Variants in RUNX3 observed in about 807,000 individuals in gnomAD.
RUNX3 encodes runt-related transcription factor 3.
In RUNX3, 10 loss-of-function variants were observed where a neutral mutation model predicts 27.7. That is an observed-to-expected ratio of 0.36 (90% CI 0.22 to 0.61). The LOEUF is 0.61. RUNX3 is among the 20% of genes least tolerant of loss of function. The pLI is 0.72. For missense variants in RUNX3, 469 were observed against 629.5 expected, an observed-to-expected ratio of 0.75 and a Z score of 2.73; for synonymous variants, 270 against 269.2, an observed-to-expected ratio of 1.00 and a Z score of -0.03.
At chr1:24,908,133 T>C (rs116144203) in intron 3 of RUNX3, among the ~76,000 whole-genome samples, 38,897 of 83,224 alleles carry the variant, frequency 0.47, 8,455 homozygotes, top group Non-Finnish European at 0.49. Flanking sequence ...CAAACCTCTA[T>C]GACACGCGGT....
At chr1:24,937,324 G>C (rs1045755029) in intron 2 of RUNX3, among the ~76,000 whole-genome samples, 3 of 152,218 alleles carry the variant, frequency 2.0e-5, no homozygotes, top group Admixed American at 6.5e-5. Context: ...GCTCAACAAA[G>C]GTCCTGCGTT....
chr1:24,914,838 C>T (rs1291415748), intron 3 of RUNX3, among the ~76,000 whole-genome samples: 1 of 152,034 alleles, frequency 6.6e-6, no homozygotes, highest in Non-Finnish European at 1.5e-5. Flanking sequence ...CACGCCAAAC[C>T]CTCGGCAGCC....
chr1:24,939,309 C>T (rs1230121867), intron 2 of RUNX3, among the ~76,000 whole-genome samples: 1 of 152,242 alleles, frequency 6.6e-6, no homozygotes, highest in African/African-American at 2.4e-5. Context: ...CCCACATGGA[C>T]AAGCCCTCAT....
chr1:24,932,986 T>C (rs189201292), upstream of RUNX3, among the ~76,000 whole-genome samples: 192 of 152,294 alleles, frequency 1.3e-3, no homozygotes, highest in Admixed American at 3.0e-3. Flanking sequence ...CCCGGGCAAA[T>C]AGAGCCAGCT....
chr1:24,931,096 C>T (rs1375072157), upstream of RUNX3, among the ~76,000 whole-genome samples: 2 of 152,338 alleles, frequency 1.3e-5, no homozygotes, highest in East Asian at 3.9e-4. Context: ...TTTTCCTTTA[C>T]GCATGTAACC....
intron 2 of RUNX3, among the ~76,000 whole-genome samples, chr1:24,950,898 G>A (rs1641743818): frequency 6.6e-6 from 1 of 152,082 alleles, no homozygotes; most frequent in Admixed American, 6.5e-5. Flanking sequence ...CAAAGTGCTT[G>A]ATGTGCTGCC....
In RUNX3 at chr1:24,916,659, G is replaced by T. The variant is rs1018275460; in HGVS notation, c.544+2581C>A. ...GGAGTGGGGCTGCAACCCAGGGTAT[G>T]GGGGGGGACCTGATCTCAGGGCCAG... On this transcript the variant is annotated intron_variant, in intron 3 of 4. Transcript: ENST00000308873. This position sits in a 1 kb window ranked among gnomAD's most constrained non-coding sequence, Gnocchi z 4.8. 1.3e-5 allele frequency among the ~76,000 whole-genome samples: 2 copies of T among 150,788 alleles called. No individual in the cohort carries two copies. The highest frequency in any genetic ancestry group is 1.5e-5 in the Non-Finnish European group (1 of 67,436).
At chr1:24,913,296 T>A (rs551390814) in intron 3 of RUNX3, among the ~76,000 whole-genome samples, 1 of 152,296 alleles carries the variant, frequency 6.6e-6, no homozygotes, top group East Asian at 1.9e-4. Flanking sequence ...TGACCCTCAC[T>A]TATGGGAGGG....
chr1:24,929,816 G>A lies in RUNX3; in HGVS notation c.53C>T (p.Pro18Leu). ...STSRRFTPPS[P>L]AFPCGGGGGK... ...GCCGCCGCCGCCGCAGGGGAAGGCCGGGGAGGGAGGTGTGAAGCGGCGGCT... is the reference window on the plus strand; with the variant it reads ...GCCGCCGCCGCCGCAGGGGAAGGCCAGGGAGGGAGGTGTGAAGCGGCGGCT... Residue 18 changes from proline (P) to leucine (L), a missense_variant, in exon 1 of 5, where the codon CCG (proline) becomes CTG (leucine). Physicochemically the swap from Pro to Leu is moderately conservative, Grantham distance 98. This residue lies in a region of RUNX3 where 115 missense variants were observed against 118.0 expected (regional missense o/e 0.97). Transcript: ENST00000308873. 1 of 1,406,748 alleles carries A rather than the reference G, an allele frequency of 7.1e-7. No homozygotes were observed. The highest frequency in any genetic ancestry group is 9.2e-7 in the Non-Finnish European group (1 of 1,090,798). The allele number at this position is 1,406,748 out of a possible 1,614,324, so 87.1% of individuals were successfully genotyped here. A position where few individuals can be genotyped will look rare whatever the true frequency, so the allele number is the denominator to read the frequency against.
At chr1:24,931,015 G>A (rs1641216054), upstream of RUNX3, among the ~76,000 whole-genome samples, 1 of 152,224 alleles carries the variant, frequency 6.6e-6, no homozygotes, top group Non-Finnish European at 1.5e-5. Context: ...GCCTCGCGGC[G>A]TCGTTCTTCG....
At chr1:24,964,679 TA>T in intron 1 of RUNX3, 1 of 1,497,132 alleles carries the variant, frequency 6.7e-7, no homozygotes. Context: ...CTTTTGAAAA[TA>T]AAAGGGGGGG....
chr1:24,918,867 G>A (rs1444906949), intron 3 of RUNX3, among the ~76,000 whole-genome samples: 1 of 152,164 alleles, frequency 6.6e-6, no homozygotes, highest in Non-Finnish European at 1.5e-5. Flanking sequence ...TGCCCTCCAT[G>A]CATCCCTCAG....
At chr1:24,959,650 G>A (rs558975712) in intron 2 of RUNX3, among the ~76,000 whole-genome samples, 6 of 152,128 alleles carry the variant, frequency 3.9e-5, no homozygotes, top group Non-Finnish European at 7.4e-5. Context: ...CTGGACCTTC[G>A]GAAAGGATAC....
chr1:24,901,816 A>T lies in RUNX3; in HGVS notation c.*306T>A. 1 of 398,836 alleles carries T rather than the reference A, an allele frequency of 2.5e-6. No individual in the cohort carries two copies. The highest frequency in any genetic ancestry group is 4.6e-6 in the Non-Finnish European group (1 of 219,514). The allele number at this position is 398,836 out of a possible 1,614,324, so 24.7% of individuals were successfully genotyped here. ...CCCATGCAGCACTGGGCATAGCTGG[A>T]GACAGTGAGGTCCTTCCGGGGGGGT... On this transcript the variant is annotated 3_prime_UTR_variant, in exon 5 of 5. Transcript: ENST00000308873.
At chr1:24,957,894 G>T (rs533990930) in intron 2 of RUNX3, among the ~76,000 whole-genome samples, 1 of 152,326 alleles carries the variant, frequency 6.6e-6, no homozygotes, top group South Asian at 2.1e-4. Context: ...GCTTATAGCC[G>T]CATTTTACAT....
Position 24,930,269 on chromosome 1 carries a change from C to T in RUNX3, c.-401G>A. Reference sequence around the variant, plus strand: ...AGCCCCAGAACAAATCCTCCAGAATCAAGTGGCGGGGCCGCGGCCGCCCGC... The same window carrying T: ...AGCCCCAGAACAAATCCTCCAGAATTAAGTGGCGGGGCCGCGGCCGCCCGC... On this transcript the variant is annotated 5_prime_UTR_variant, in exon 1 of 5. Coordinates refer to ENST00000308873, the MANE Select transcript of RUNX3 (RefSeq NM_004350.3). This position sits in a 1 kb window ranked among gnomAD's most constrained non-coding sequence, Gnocchi z 4.1. 4.1e-6 allele frequency: 4 copies of T among 983,264 alleles called. No individual in the cohort carries two copies. Among genetic ancestry groups the T allele is most frequent in the Non-Finnish European group, 4.8e-6 (4 of 828,550 alleles). 60.9% of individuals were successfully genotyped at this position (983,264 alleles called of 1,614,324 possible).
chr1:24,949,568 T>C lies in RUNX3; in HGVS notation c.58+14946A>G, dbSNP rs78056603. 2.3e-3 allele frequency among the ~76,000 whole-genome samples: 357 copies of C among 152,350 alleles called. 1 individual carries two copies. The highest frequency in any genetic ancestry group is 6.8e-3 in the Middle Eastern group (2 of 294). On this transcript the variant is annotated intron_variant, in intron 2 of 6. Transcript: ENST00000338888. ...ACCACAGCTTGATTTCTAGTCCAAG[T>C]TGTCACTGACCCCCACTGGCCTTCA...
At chr1:24,905,138 T>A (rs1048382749) in intron 4 of RUNX3, among the ~76,000 whole-genome samples, 1 of 151,676 alleles carries the variant, frequency 6.6e-6, no homozygotes, top group Non-Finnish European at 1.5e-5. Context: ...CCGAGGGAAG[T>A]GGTGGTGGGG....
At chr1:24,928,653 C>G (rs1395937985) in intron 1 of RUNX3, 1 of 186,716 alleles carries the variant, frequency 5.4e-6, no homozygotes, top group African/African-American at 2.4e-5. Flanking sequence ...GACAGTAAAA[C>G]CTCCGATCTG....
Sources: allele counts gnomAD v4.1 joint callset (sites outside exome capture counted in the v4.1 genomes callset), GRCh38; gene constraint gnomAD v4.1.1; regional missense constraint gnomAD v4.1.1; non-coding constraint Gnocchi (gnomAD v3.1); transcripts MANE v1.5; gene names NCBI Gene and HGNC (gene_info 2026-07-23, HGNC 2026-07-21).